The following RTCA variants were observed in gnomAD, a reference collection of about 807,000 sequenced individuals.
RTCA encodes the protein RNA terminal phosphate cyclase domain 1.
Under a neutral mutation model 46.1 loss-of-function variants are expected in RTCA, and 37 were observed. The observed-to-expected ratio is 0.80, with a 90% CI of 0.62 to 1.06. The LOEUF (loss-of-function observed/expected upper bound fraction) is 1.06, where lower values mean the gene tolerates loss of function less well. Ranked by LOEUF, RTCA falls within the 50% of genes least tolerant of loss-of-function variation. RTCA has a pLI of 0.00. For synonymous variants in RTCA, 164 were observed against 158.3 expected (o/e 1.04, Z -0.27); for missense variants, 435 against 455.5 (o/e 0.95, Z 0.41).
rs1443422487 is a variant in RTCA at position 100,270,631 on chromosome 1, A to G, written c.365A>G (p.Lys122Arg). The stretch of plus-strand genomic sequence containing the variant: ...GCTTCTCCATCAGAACTTCATTTGA[A>G]AGGTGGAACTAATGCTGAAATGGCA... ...FAASPSELHLKGGTNAEMAPQ... is the reference protein window; with the variant it reads ...FAASPSELHLRGGTNAEMAPQ... The change falls in exon 4 of 11, where the codon AAA (lysine) becomes AGA (arginine). Residue 122 changes from lysine to arginine, a missense_variant. Lys to Arg is a conservative substitution (Grantham distance 26, BLOSUM62 2). Coordinates refer to ENST00000370128, the MANE Select transcript of RTCA (RefSeq NM_003729.4). The G allele has an allele frequency of 2.5e-6, 4 of 1,613,990 alleles. No homozygotes were observed. The highest frequency in any genetic ancestry group is 3.4e-6 in the Non-Finnish European group (4 of 1,179,992).
chr1:100,266,275 G>A lies in RTCA; in HGVS notation c.-101G>A. ...CGTCAGGCTCCTGCGCCCCAGGCAT[G>A]AACCAAGGTTTCTGAACTACTGGGC... On this transcript the variant is annotated 5_prime_UTR_variant, in exon 1 of 11. It removes an upstream start codon present in the reference 5' UTR. Coordinates refer to ENST00000370128, the MANE Select transcript of RTCA (RefSeq NM_003729.4). 1.4e-6 allele frequency: 2 copies of A among 1,461,826 alleles called. No homozygotes were observed. Among genetic ancestry groups the A allele is most frequent in the Non-Finnish European group, 1.9e-6 (2 of 1,070,520 alleles). 90.6% of individuals were successfully genotyped at this position (1,461,826 alleles called of 1,614,324 possible).
Position 100,291,636 on chromosome 1 carries a change from T to G in RTCA, c.*132T>G. On this transcript the variant is annotated 3_prime_UTR_variant, in exon 11 of 11. Transcript: ENST00000370128. ...AAGATGAAGTACAGTGTTCTAGGTT[T>G]GCTGAGAAGGCTTCATTAAATTAAT... 1.9e-6 allele frequency: 1 copy of G among 531,614 alleles called. No individual in the cohort carries two copies. The highest frequency in any genetic ancestry group is 3.3e-6 in the Non-Finnish European group (1 of 301,638). The allele number at this position is 531,614 out of a possible 1,614,324, so 32.9% of individuals were successfully genotyped here.
At position 100,277,319 on chromosome 1, in the gene RTCA, A is replaced by G. The variant is rs1289779025; in HGVS notation, c.799+3A>G. The G allele has an allele frequency of 1.2e-6, 2 of 1,607,450 alleles. No individual in the cohort carries two copies. The highest frequency in any genetic ancestry group is 1.7e-6 in the Non-Finnish European group (2 of 1,177,208). On this transcript the variant is annotated splice_donor_region_variant and intron_variant, in intron 8 of 10. Coordinates refer to ENST00000370128, the MANE Select transcript of RTCA (RefSeq NM_003729.4). Reference sequence around the variant, plus strand: ...TGGATCATCGCTTGGTAAACGAGGTAAGATAAATGAAGGGGGTCCATAGTT... The same window carrying G: ...TGGATCATCGCTTGGTAAACGAGGTGAGATAAATGAAGGGGGTCCATAGTT...
chr1:100,283,160 C>CT (rs71084815), intron 8 of RTCA, among the ~76,000 whole-genome samples: 14,905 of 102,152 alleles, frequency 0.15, 1,214 homozygotes, highest in African/African-American at 0.27. Context: ...CCAAATATTC[C>CT]TTTTTTTTTT....
chr1:100,268,814 C>T (rs1028952359), intron 3 of RTCA, among the ~76,000 whole-genome samples: 1 of 152,080 alleles, frequency 6.6e-6, no homozygotes, highest in Non-Finnish European at 1.5e-5. Flanking sequence ...AGCTAAGAGG[C>T]TATGTCGAAT....
intron 9 of RTCA, among the ~76,000 whole-genome samples, chr1:100,285,849 A>T (rs148478837): frequency 6.6e-6 from 1 of 152,308 alleles, no homozygotes; most frequent in East Asian, 1.9e-4. Flanking sequence ...GACCAGGCTA[A>T]TCCTAAACTC....
At chr1:100,267,410 T>A in intron 2 of RTCA, 1 of 1,298,306 alleles carries the variant, frequency 7.7e-7, no homozygotes, top group Admixed American at 2.9e-5. Flanking sequence ...TTCATTAGGC[T>A]GTAGGTGTTG....
rs34035586 is a variant in RTCA at position 100,291,929 on chromosome 1, C to CTTTTTTT, written c.*437_*443dup. 2 of 133,424 alleles carry CTTTTTTT rather than the reference C, an allele frequency of 1.5e-5. No individual in the cohort carries two copies. Among genetic ancestry groups the CTTTTTTT allele is most frequent in the African/African-American group, 2.8e-5 (1 of 35,432 alleles). The allele number at this position is 133,424 out of a possible 1,614,324, so 8.3% of individuals were successfully genotyped here. ...TTGTTGTGACAACAATAACATTTTC[C>CTTTTTTT]TTTTTTTTTTTTTTTTTTGAGACAG... On this transcript the variant is annotated 3_prime_UTR_variant, in exon 11 of 11. Coordinates refer to ENST00000370128, the MANE Select transcript of RTCA (RefSeq NM_003729.4).
Position 100,285,651 on chromosome 1 carries a change from A to AT in RTCA, c.894+342dup, listed in dbSNP as rs1056435804. On this transcript the variant is annotated intron_variant, in intron 9 of 10. Transcript: ENST00000370128. Reference sequence around the variant, plus strand: ...TATGGTTTTCATCTTCTCAACAACAATTTTTTTTTTTTTGGTGGAGACAGA... The same window carrying AT: ...TATGGTTTTCATCTTCTCAACAACAATTTTTTTTTTTTTTGGTGGAGACAGA... 1.3e-3 allele frequency among the ~76,000 whole-genome samples: 183 copies of AT among 144,370 alleles called. 1 individual carries two copies. Among genetic ancestry groups the AT allele is most frequent in the East Asian group, 6.4e-3 (32 of 5,002 alleles). The allele number at this position is 144,370 out of a possible 152,430, so 94.7% of individuals were successfully genotyped here. A position where few individuals can be genotyped will look rare whatever the true frequency, so the allele number is the denominator to read the frequency against.
At chr1:100,275,047 A>G (rs1460211730) in intron 6 of RTCA, 82 bp downstream of exon 6, 1 of 1,349,214 alleles carries the variant, frequency 7.4e-7, no homozygotes, top group East Asian at 2.4e-5. Flanking sequence ...GAAATTATTG[A>G]GAGAACTTAA....
chr1:100,283,263 C>T (rs1017141982), intron 8 of RTCA, among the ~76,000 whole-genome samples: 3 of 150,420 alleles, frequency 2.0e-5, no homozygotes, highest in African/African-American at 7.3e-5. Context: ...CTCCGCCTCC[C>T]GAGTTCAAGA....
In RTCA at chr1:100,275,677, G is replaced by C. The variant is rs746095841; in HGVS notation, c.694G>C (p.Val232Leu). Reference sequence around the variant, plus strand: ...GGATTTGTATGTTAACATCCAGCCTGTTCAAGAACCTAAAGACCAAGCATT... The same window carrying C: ...GGATTTGTATGTTAACATCCAGCCTCTTCAAGAACCTAAAGACCAAGCATT... ...IRDLYVNIQP[V>L]QEPKDQAFGN... Residue 232 changes from valine to leucine, a missense_variant, in exon 7 of 11, where the codon GTT (valine) becomes CTT (leucine). Val to Leu is a conservative substitution (Grantham distance 32). Transcript: ENST00000370128. The C allele has an allele frequency of 3.2e-5, 52 of 1,611,838 alleles. 1 individual carries two copies. Among genetic ancestry groups the C allele is most frequent in the Non-Finnish European group, 4.2e-5 (49 of 1,178,916 alleles).
rs908686570 is a variant in RTCA at position 100,291,594 on chromosome 1, G to A, written c.*90G>A. ...ATGACTAGGAAGTAACTTATTAAAG[G>A]CTATGACTTAAATTTGAAGATGAAG... On this transcript the variant is annotated 3_prime_UTR_variant, in exon 11 of 11. Transcript: ENST00000370128. The A allele has an allele frequency of 5.0e-6, 4 of 799,222 alleles. No homozygotes were observed. The highest frequency in any genetic ancestry group is 2.5e-5 in the Admixed American group (1 of 39,508). 49.5% of individuals were successfully genotyped at this position (799,222 alleles called of 1,614,324 possible).
At position 100,266,440 on chromosome 1, in the gene RTCA, G is replaced by A. The variant is rs778290603; in HGVS notation, c.45+20G>A. 1 of 1,609,704 alleles carries A rather than the reference G, an allele frequency of 6.2e-7. No homozygotes were observed. The highest frequency in any genetic ancestry group is 8.5e-7 in the Non-Finnish European group (1 of 1,176,862). On this transcript the variant is annotated intron_variant, in intron 1 of 10. Coordinates refer to ENST00000370128, the MANE Select transcript of RTCA (RefSeq NM_003729.4). ...GAAGGGGTGAGTACAGAGCGAAGCG[G>A]CCGGGGCTGCAGCCTAACTAAGGAG...
intron 10 of RTCA, among the ~76,000 whole-genome samples, chr1:100,289,482 CAT>C (rs902170529): frequency 2.0e-5 from 3 of 152,008 alleles, no homozygotes; most frequent in Non-Finnish European, 4.4e-5. Flanking sequence ...TATTAAGAAA[CAT>C]AGATAAGTTT....
At chr1:100,285,097 C>T in intron 8 of RTCA, 131 bp from the exon 9 acceptor site, 1 of 634,752 alleles carries the variant, frequency 1.6e-6, no homozygotes. Context: ...CTAAAAGGTG[C>T]ATTGAGTGGG....
chr1:100,284,059 A>G (rs1666895414), intron 8 of RTCA, among the ~76,000 whole-genome samples: 2 of 152,060 alleles, frequency 1.3e-5, no homozygotes, highest in Admixed American at 6.5e-5. Flanking sequence ...TGCAAATATA[A>G]AATAGAAACA....
chr1:100,270,760 GT>G lies in RTCA; in HGVS notation c.414+87del, dbSNP rs1416816326. The G allele has an allele frequency of 4.1e-6, 6 of 1,466,092 alleles. No homozygotes were observed. The East Asian group carries it at 9.5e-5, about 23-fold the overall frequency. The allele number at this position is 1,466,092 out of a possible 1,614,324, so 90.8% of individuals were successfully genotyped here. On this transcript the variant is annotated intron_variant, in intron 4 of 10. Transcript: ENST00000370128. ...TCCATTCTCTAAATATATCCTGAGT[GT>G]TTTTTTGTGACTTTCTTGTTTATCT...
intron 10 of RTCA, among the ~76,000 whole-genome samples, chr1:100,288,686 C>T (rs1465773014): frequency 6.6e-6 from 1 of 152,128 alleles, no homozygotes; most frequent in Non-Finnish European, 1.5e-5. Context: ...CCAGCATGCC[C>T]AGCCCTAGTC....
Sources: allele counts gnomAD v4.1 joint callset (sites outside exome capture counted in the v4.1 genomes callset), GRCh38; gene constraint gnomAD v4.1.1; transcripts MANE v1.5; gene names NCBI Gene and HGNC (gene_info 2026-07-23, HGNC 2026-07-21).